Variants in DPYSL5 observed in about 807,000 individuals in gnomAD.
The protein encoded by DPYSL5 is dihydropyrimidinase like 5, also known as dihydropyrimidinase-related protein 5.
DPYSL5 carries 9 observed loss-of-function variants against 58.4 expected under a neutral mutation model. The observed-to-expected ratio is 0.15, with a 90% CI of 0.09 to 0.27. DPYSL5 has a LOEUF of 0.27. Among genes scored for constraint, DPYSL5 ranks in the 10% least tolerant of loss-of-function variants. DPYSL5 has a pLI of 1.00. For missense variants in DPYSL5, 499 were observed against 770.6 expected, an observed-to-expected ratio of 0.65 and a Z score of 4.17; for synonymous variants, 293 against 301.9, an observed-to-expected ratio of 0.97 and a Z score of 0.31.
At chr2:26,867,780 A>G (rs1202119024) in intron 1 of DPYSL5, among the ~76,000 whole-genome samples, 1 of 152,226 alleles carries the variant, frequency 6.6e-6, no homozygotes, top group Admixed American at 6.5e-5. Context: ...TTGCCCTGCC[A>G]ACAGTGCTGC....
intron 1 of DPYSL5, among the ~76,000 whole-genome samples, chr2:26,861,657 A>G (rs1666020275): frequency 2.0e-5 from 3 of 152,064 alleles, no homozygotes; most frequent in South Asian, 4.2e-4. Context: ...CCTCATGTAG[A>G]GCATTCATTT....
chr2:26,871,028 T>C lies in DPYSL5; in HGVS notation c.-5+22774T>C, dbSNP rs141914964. On this transcript the variant is annotated intron_variant, in intron 1 of 12. Coordinates refer to ENST00000288699, the MANE Select transcript of DPYSL5 (RefSeq NM_020134.4). The stretch of plus-strand genomic sequence containing the variant: ...ACCTTTCAGGTGCCCAGTAGCCACA[T>C]GTAGCTAGTAGCTGCCACGCTAAAC... Among the ~76,000 whole-genome samples, 42 of 152,332 alleles carry C rather than the reference T, an allele frequency of 2.8e-4. 1 individual carries two copies. The East Asian group carries it at 7.9e-3, about 29-fold the overall frequency.
In DPYSL5 at chr2:26,944,858, G is replaced by T; in HGVS notation, c.1609+34G>T. 1.2e-6 allele frequency: 2 copies of T among 1,605,926 alleles called. No homozygotes were observed. Among genetic ancestry groups the T allele is most frequent in the South Asian group, 1.1e-5 (1 of 90,466 alleles). On this transcript the variant is annotated intron_variant, in intron 12 of 12. Coordinates refer to ENST00000288699, the MANE Select transcript of DPYSL5 (RefSeq NM_020134.4). The surrounding 1 kb of genome is among the most constrained non-coding windows in gnomAD (Gnocchi z 4.4). ...CAGGGGGCCACGGGAGGAGGATGGG[G>T]GTCTGGGAGAAGTGGCCCACCTAGG...
chr2:26,912,316 G>A (rs1280736513), intron 2 of DPYSL5, among the ~76,000 whole-genome samples: 5 of 152,234 alleles, frequency 3.3e-5, no homozygotes, highest in Admixed American at 2.6e-4. Context: ...ACATTTCCAG[G>A]GCGGCCTCTC....
rs577535419 is a variant in DPYSL5, at chr2:26,946,820, A to G, written c.1610-90A>G. Reference sequence around the variant, plus strand: ...GTGGCTGTGAGGATTCACTCAGGCCATGCACACAGTGAGCCTCCAGGAGAG... The same window carrying G: ...GTGGCTGTGAGGATTCACTCAGGCCGTGCACACAGTGAGCCTCCAGGAGAG... On this transcript the variant is annotated intron_variant, in intron 12 of 12. Coordinates refer to ENST00000288699, the MANE Select transcript of DPYSL5 (RefSeq NM_020134.4). 6.9e-5 allele frequency: 66 copies of G among 952,290 alleles called. No homozygotes were observed. The African/African-American group carries it at 9.3e-4, about 13-fold the overall frequency. The allele number at this position is 952,290 out of a possible 1,614,324, so 59.0% of individuals were successfully genotyped here. A position where few individuals can be genotyped will look rare whatever the true frequency, so the allele number is the denominator to read the frequency against.
intron 2 of DPYSL5, among the ~76,000 whole-genome samples, chr2:26,903,526 G>T (rs1369771604): frequency 6.6e-6 from 1 of 152,080 alleles, no homozygotes; most frequent in Non-Finnish European, 1.5e-5. Flanking sequence ...TTGACTCTAG[G>T]TCTGTGTCCT....
At chr2:26,853,694 A>G (rs1289459013) in intron 1 of DPYSL5, among the ~76,000 whole-genome samples, 1 of 152,164 alleles carries the variant, frequency 6.6e-6, no homozygotes, top group African/African-American at 2.4e-5. Flanking sequence ...CAGACCGGAA[A>G]CTAGGCAGGA....
At chr2:26,885,152 T>A (rs1663683933) in intron 1 of DPYSL5, among the ~76,000 whole-genome samples, 1 of 152,106 alleles carries the variant, frequency 6.6e-6, no homozygotes, top group South Asian at 2.1e-4. Flanking sequence ...TGAGCTCGGA[T>A]CGTGCCATTG....
chr2:26,910,657 G>T (rs1412824627), intron 2 of DPYSL5, among the ~76,000 whole-genome samples: 1 of 128,832 alleles, frequency 7.8e-6, no homozygotes, highest in Non-Finnish European at 1.6e-5. Context: ...GGTTTCACCA[G>T]TTGGCCAGGC....
intron 1 of DPYSL5, among the ~76,000 whole-genome samples, chr2:26,879,745 C>A (rs1319183919): frequency 6.6e-6 from 1 of 151,356 alleles, no homozygotes; most frequent in Non-Finnish European, 1.5e-5. Context: ...TCCAACTGAT[C>A]TAAAGGATTC....
intron 1 of DPYSL5, among the ~76,000 whole-genome samples, chr2:26,867,399 TG>T (rs1329568165): frequency 1.3e-5 from 2 of 152,012 alleles, no homozygotes; most frequent in East Asian, 3.9e-4. Context: ...CAATTTAGTC[TG>T]CCATTCTCTA....
intron 1 of DPYSL5, among the ~76,000 whole-genome samples, chr2:26,890,391 A>G (rs532579561): frequency 6.6e-6 from 1 of 152,350 alleles, no homozygotes; most frequent in African/African-American, 2.4e-5. Flanking sequence ...ATATTCTCCA[A>G]AAGCACCCTG....
chr2:26,861,266 A>G (rs1666005599), intron 1 of DPYSL5, among the ~76,000 whole-genome samples: 1 of 152,248 alleles, frequency 6.6e-6, no homozygotes, highest in Non-Finnish European at 1.5e-5. Flanking sequence ...TAGCTTTTCC[A>G]ATATTTCCCC....
At chr2:26,881,288 C>T (rs1663555570) in intron 1 of DPYSL5, among the ~76,000 whole-genome samples, 1 of 152,180 alleles carries the variant, frequency 6.6e-6, no homozygotes, top group South Asian at 2.1e-4. Context: ...GGTATCACTG[C>T]CCCAGAAGAA....
chr2:26,882,121 G>A (rs550420456), intron 1 of DPYSL5, among the ~76,000 whole-genome samples: 325 of 145,242 alleles, frequency 2.2e-3, no homozygotes, highest in Non-Finnish European at 3.3e-3. Context: ...AAGAAAGAAA[G>A]GAAATTGGTT....
Position 26,927,091 on chromosome 2 carries a change from G to C in DPYSL5, c.421-162G>C, listed in dbSNP as rs925602137. On this transcript the variant is annotated intron_variant, in intron 3 of 12. Coordinates refer to ENST00000288699, the MANE Select transcript of DPYSL5 (RefSeq NM_020134.4). The surrounding 1 kb of genome is among the most constrained non-coding windows in gnomAD (Gnocchi z 4.3). ...CATCTACTCAGGTGGCCTCACAGCA[G>C]CCTGTGGGGTGGGAGGAAAGTGAGA... Among the ~76,000 whole-genome samples the C allele has an allele frequency of 1.3e-5, 2 of 152,236 alleles. No individual in the cohort carries two copies. Among genetic ancestry groups the C allele is most frequent in the African/African-American group, 4.8e-5 (2 of 41,466 alleles).
intron 1 of DPYSL5, among the ~76,000 whole-genome samples, chr2:26,878,373 G>A (rs760440659): frequency 1.3e-5 from 2 of 151,848 alleles, no homozygotes; most frequent in Admixed American, 6.6e-5. Flanking sequence ...ATTTAGAAGC[G>A]CTATTACATA....
intron 1 of DPYSL5, among the ~76,000 whole-genome samples, chr2:26,865,016 T>TC (rs752610080): frequency 6.6e-6 from 1 of 152,188 alleles, no homozygotes; most frequent in Non-Finnish European, 1.5e-5. Flanking sequence ...CAGACCACCC[T>TC]CAGCAATTTT....
rs142754381 is a variant in DPYSL5 at position 26,882,557 on chromosome 2, A to T, written c.-4-15939A>T. Among the ~76,000 whole-genome samples, 729 of 152,152 alleles carry T rather than the reference A, an allele frequency of 4.8e-3. 6 individuals carry two copies. Among genetic ancestry groups the T allele is most frequent in the African/African-American group, 0.017 (703 of 41,510 alleles). On this transcript the variant is annotated intron_variant, in intron 1 of 12. Transcript: ENST00000288699. ...CCTGCCTCAGCCTCCCAAAGTGCTG[A>T]GATTACAGGCATAAGCACCACGCCC...
Sources: gnomAD v4.1 joint callset for allele counts (sites outside exome capture counted in the v4.1 genomes callset) on GRCh38, gnomAD v4.1.1 for gene constraint, Gnocchi (gnomAD v3.1) non-coding constraint, MANE v1.5 for transcripts, NCBI Gene and HGNC (gene_info 2026-07-23, HGNC 2026-07-21) for gene names.